ZFHX3: variants seen among roughly 807,000 people sequenced by gnomAD.
ZFHX3 encodes zinc finger homeobox 3, also known as zinc finger homeobox protein 3.
A neutral mutation model predicts 279.1 loss-of-function variants in ZFHX3; 42 were observed. The observed-to-expected ratio is 0.15, with a 90% CI of 0.12 to 0.19. ZFHX3 has a LOEUF of 0.19. Ranked by LOEUF, ZFHX3 falls within the 10% of genes least tolerant of loss-of-function variation. The pLI is 1.00. For synonymous variants in ZFHX3, 2,293 were observed against 1,957.8 expected, an observed-to-expected ratio of 1.17 and a Z score of -4.52; for missense variants, 4,981 against 4,754.0, an observed-to-expected ratio of 1.05 and a Z score of -1.40.
At chr16:72,887,089 A>AG (rs1159884819) in intron 4 of ZFHX3, among the ~76,000 whole-genome samples, 2 of 152,232 alleles carry the variant, frequency 1.3e-5, no homozygotes, top group Non-Finnish European at 2.9e-5. Context: ...TCTAGCAAGG[A>AG]GAAAAATTCT....
At chr16:73,478,362 G>A (rs148448642) in intron 2 of ZFHX3, among the ~76,000 whole-genome samples, 47 of 151,580 alleles carry the variant, frequency 3.1e-4, no homozygotes, top group African/African-American at 1.0e-3. Flanking sequence ...TTAAAAGTCT[G>A]ATGCTCTACC....
chr16:73,534,652 G>T (rs572305021), intron 2 of ZFHX3, among the ~76,000 whole-genome samples: 1 of 152,294 alleles, frequency 6.6e-6, no homozygotes, highest in East Asian at 1.9e-4. Flanking sequence ...GGTGTTCTGA[G>T]GATCAAATGA....
chr16:73,755,795 A>G (rs943952043), intron 1 of ZFHX3, among the ~76,000 whole-genome samples: 1 of 152,360 alleles, frequency 6.6e-6, no homozygotes, highest in South Asian at 2.1e-4. Flanking sequence ...AGATTAATCC[A>G]TAAATCAGAA....
chr16:73,836,753 T>C (rs1961153240), intron 1 of ZFHX3, among the ~76,000 whole-genome samples: 1 of 152,254 alleles, frequency 6.6e-6, no homozygotes, highest in African/African-American at 2.4e-5. Flanking sequence ...TGAAACTTAA[T>C]TGCCAATGTA....
At chr16:72,996,006 G>A (rs984186934) in intron 1 of ZFHX3, among the ~76,000 whole-genome samples, 3 of 152,072 alleles carry the variant, frequency 2.0e-5, no homozygotes, top group Non-Finnish European at 2.9e-5. Flanking sequence ...GGTGGCTCAC[G>A]TCTGTAATCC....
At chr16:72,901,246 G>C (rs2039026918) in intron 3 of ZFHX3, among the ~76,000 whole-genome samples, 1 of 152,154 alleles carries the variant, frequency 6.6e-6, no homozygotes, top group African/African-American at 2.4e-5. Flanking sequence ...TGTCTTGCTG[G>C]AACCGAGCCT....
chr16:72,827,332 G>A (rs1045355951), intron 5 of ZFHX3, among the ~76,000 whole-genome samples: 1 of 152,074 alleles, frequency 6.6e-6, no homozygotes, highest in South Asian at 2.1e-4. Context: ...AGCACTGTTC[G>A]GAGCTTCCCA....
At chr16:73,833,728 A>G (rs372935615) in intron 1 of ZFHX3, among the ~76,000 whole-genome samples, 26 of 151,996 alleles carry the variant, frequency 1.7e-4, no homozygotes, top group African/African-American at 6.0e-4. Context: ...CATTCTGCAC[A>G]TGTATCCCAG....
chr16:73,145,700 G>C (rs79093566), intron 5 of ZFHX3, among the ~76,000 whole-genome samples: 2,730 of 152,340 alleles, frequency 0.018, 74 homozygotes, highest in African/African-American at 0.061. Flanking sequence ...CATGGCCACA[G>C]ACTTTTCTGG....
chr16:73,153,881 G>A (rs1025535895), intron 5 of ZFHX3, among the ~76,000 whole-genome samples: 1 of 151,802 alleles, frequency 6.6e-6, no homozygotes, highest in Non-Finnish European at 1.5e-5. Context: ...TTAAGGACAG[G>A]CCTTAATAAT....
intron 8 of ZFHX3, chr16:73,081,274 CAG>C (rs1965941373): frequency 1.4e-5 from 2 of 144,922 alleles, no homozygotes; most frequent in Non-Finnish European, 1.5e-5. Context: ...TTTTTTGAGA[CAG>C]AGTTTTGCTC....
intron 2 of ZFHX3, among the ~76,000 whole-genome samples, chr16:73,585,350 A>T (rs192930251): frequency 6.6e-6 from 1 of 152,222 alleles, no homozygotes; most frequent in Admixed American, 6.5e-5. Context: ...CTGGAGGCGG[A>T]GGTTGCAGTG....
At chr16:73,413,767 G>A (rs1379458656) in intron 3 of ZFHX3, among the ~76,000 whole-genome samples, 1 of 152,156 alleles carries the variant, frequency 6.6e-6, no homozygotes, top group Non-Finnish European at 1.5e-5. Flanking sequence ...TTATGCATTT[G>A]ATTTGGAAAT....
intron 3 of ZFHX3, among the ~76,000 whole-genome samples, chr16:73,337,302 C>T (rs2143246258): frequency 6.6e-6 from 1 of 152,246 alleles, no homozygotes; most frequent in South Asian, 2.1e-4. Flanking sequence ...CTCCCTGAAC[C>T]TCCCCTCTAC....
intron 2 of ZFHX3, among the ~76,000 whole-genome samples, chr16:73,578,905 T>C (rs1021607267): frequency 1.3e-5 from 2 of 152,094 alleles, no homozygotes; most frequent in African/African-American, 4.8e-5. Context: ...TGAATGCACC[T>C]CTCCTCTCCG....
chr16:72,893,728 C>T (rs1417743636), intron 3 of ZFHX3, among the ~76,000 whole-genome samples: 1 of 152,188 alleles, frequency 6.6e-6, no homozygotes, highest in East Asian at 1.9e-4. Context: ...GAAAATGAAG[C>T]CACGGCTGCT....
At chr16:73,245,776 G>C (rs2013262752) in intron 5 of ZFHX3, among the ~76,000 whole-genome samples, 1 of 152,152 alleles carries the variant, frequency 6.6e-6, no homozygotes, top group African/African-American at 2.4e-5. Flanking sequence ...TGAGCAGAGA[G>C]GGTAGCTGGG....
At chr16:73,734,066 C>A (rs1489148571) in intron 1 of ZFHX3, among the ~76,000 whole-genome samples, 1 of 152,134 alleles carries the variant, frequency 6.6e-6, no homozygotes, top group Non-Finnish European at 1.5e-5. Context: ...AACGAGCATG[C>A]AACCTAGATC....
chr16:72,946,793 G>C (rs961563283), intron 3 of ZFHX3, among the ~76,000 whole-genome samples: 1 of 152,204 alleles, frequency 6.6e-6, no homozygotes, highest in African/African-American at 2.4e-5. Context: ...ACATCTCTAC[G>C]GGTGGAGAAG....
Sources: gnomAD v4.1 joint callset for allele counts (sites outside exome capture counted in the v4.1 genomes callset) on GRCh38, gnomAD v4.1.1 for gene constraint, MANE v1.5 for transcripts, NCBI Gene and HGNC (gene_info 2026-07-23, HGNC 2026-07-21) for gene names.